GRIA1: variants seen among roughly 807,000 people sequenced by gnomAD.
GRIA1 encodes the protein glutamate receptor 1.
In GRIA1, 31 loss-of-function variants were observed where a neutral mutation model predicts 99.2. The ratio of observed to expected loss-of-function variants is 0.31; its 90% CI spans 0.23 to 0.42. GRIA1 has a LOEUF of 0.42. Ranked by LOEUF, GRIA1 falls within the 10% of genes least tolerant of loss-of-function variation. The pLI, the probability that GRIA1 is intolerant of heterozygous loss-of-function variation, is 1.00. For synonymous variants in GRIA1, 438 were observed against 432.4 expected (o/e 1.01, Z -0.16); for missense variants, 782 against 1,157.5 (o/e 0.68, Z 4.71).
chr5:153,534,895 C>T (rs974463617), intron 2 of GRIA1, among the ~76,000 whole-genome samples: 8 of 134,140 alleles, frequency 6.0e-5, no homozygotes, highest in African/African-American at 2.0e-4. Context: ...TAGAGAGGCA[C>T]AGGCCTTTTT....
intron 11 of GRIA1, among the ~76,000 whole-genome samples, chr5:153,711,190 T>C (rs575506227): frequency 6.6e-5 from 10 of 152,234 alleles, no homozygotes; most frequent in East Asian, 3.9e-4. Flanking sequence ...TGGAAGACCA[T>C]TGGAGGGTTT....
intron 2 of GRIA1, among the ~76,000 whole-genome samples, chr5:153,574,592 C>T (rs1198259665): frequency 1.3e-5 from 2 of 152,074 alleles, no homozygotes; most frequent in Non-Finnish European, 1.5e-5. Flanking sequence ...GTATTATGAC[C>T]TGATTTCTGA....
At chr5:153,808,574 A>G (rs925253020) in intron 15 of GRIA1, among the ~76,000 whole-genome samples, 2 of 152,140 alleles carry the variant, frequency 1.3e-5, no homozygotes, top group Non-Finnish European at 2.9e-5. Context: ...GGAGCTTTTA[A>G]AACTCCAGAT....
In GRIA1 at chr5:153,672,434, G is replaced by A. The variant is rs1756258437; in HGVS notation, c.700-2066G>A. Among the ~76,000 whole-genome samples the A allele has an allele frequency of 2.6e-5, 4 of 152,242 alleles. 1 individual carries two copies. The South Asian group carries it at 8.3e-4, about 32-fold the overall frequency. On this transcript the variant is annotated intron_variant, in intron 5 of 15. Transcript: ENST00000285900. ...ACTAGTTCTTTAGATAAGAAGTCAG[G>A]AAACACCTCTCTGAGAGATGGCAGT...
At chr5:153,576,338 CT>C (rs1762527733) in intron 2 of GRIA1, among the ~76,000 whole-genome samples, 1 of 152,120 alleles carries the variant, frequency 6.6e-6, no homozygotes, top group Non-Finnish European at 1.5e-5. Flanking sequence ...GCAGCTAAGC[CT>C]TGAAGAATAG....
At chr5:153,645,840 G>C (rs1469760223) in intron 2 of GRIA1, among the ~76,000 whole-genome samples, 6 of 152,178 alleles carry the variant, frequency 3.9e-5, no homozygotes, top group Non-Finnish European at 8.8e-5. Context: ...TCACAAGGAT[G>C]TGATGAGGAC....
chr5:153,663,849 G>C (rs1026824684), intron 5 of GRIA1, among the ~76,000 whole-genome samples: 1 of 152,170 alleles, frequency 6.6e-6, no homozygotes, highest in Admixed American at 6.5e-5. Context: ...TTAAGGAAGA[G>C]GCTGTTCTAT....
intron 15 of GRIA1, among the ~76,000 whole-genome samples, chr5:153,805,588 C>A (rs540301938): frequency 6.6e-6 from 1 of 152,304 alleles, no homozygotes; most frequent in African/African-American, 2.4e-5. Context: ...TCCTGGACAT[C>A]CAGCCCTTTC....
At chr5:153,587,532 C>A (rs1763597756) in intron 2 of GRIA1, among the ~76,000 whole-genome samples, 1 of 152,158 alleles carries the variant, frequency 6.6e-6, no homozygotes, top group South Asian at 2.1e-4. Flanking sequence ...GCTTGAGAAA[C>A]CACAGAGTCA....
chr5:153,592,699 T>A (rs1291497213), intron 2 of GRIA1, among the ~76,000 whole-genome samples: 3 of 152,220 alleles, frequency 2.0e-5, no homozygotes, highest in Non-Finnish European at 2.9e-5. Flanking sequence ...TTTGTATCTC[T>A]TGTATTGCCT....
intron 2 of GRIA1, among the ~76,000 whole-genome samples, chr5:153,591,351 G>A (rs1763957760): frequency 6.6e-6 from 1 of 152,168 alleles, no homozygotes; most frequent in African/African-American, 2.4e-5. Context: ...TGTTTGTGGA[G>A]CACTAATTTG....
intron 2 of GRIA1, among the ~76,000 whole-genome samples, chr5:153,512,442 C>T (rs1285981796): frequency 1.3e-5 from 2 of 152,156 alleles, no homozygotes; most frequent in Non-Finnish European, 2.9e-5. Flanking sequence ...TCTAAACAAA[C>T]ATATTTGGAA....
chr5:153,744,813 A>ATGAT (rs1039207990), intron 11 of GRIA1, among the ~76,000 whole-genome samples: 70 of 152,214 alleles, frequency 4.6e-4, no homozygotes, highest in African/African-American at 1.7e-3. Flanking sequence ...AAATCCTTTA[A>ATGAT]TGATTTAATA....
rs112598038 is a variant in GRIA1, at chr5:153,659,918, T to C, written c.699+4046T>C. 9.5e-3 allele frequency among the ~76,000 whole-genome samples: 1,454 copies of C among 152,316 alleles called. 18 individuals are homozygous for C. Among genetic ancestry groups the C allele is most frequent in the African/African-American group, 0.033 (1,360 of 41,572 alleles). The stretch of plus-strand genomic sequence containing the variant: ...CCTTCTAGAGGAGTAATAACAATAG[T>C]AATATCAACAATCTCTCTCATTTTT... On this transcript the variant is annotated intron_variant, in intron 5 of 15. Transcript: ENST00000285900.
intron 2 of GRIA1, among the ~76,000 whole-genome samples, chr5:153,642,889 T>C (rs1213919683): frequency 6.6e-6 from 1 of 152,178 alleles, no homozygotes; most frequent in Non-Finnish European, 1.5e-5. Context: ...GGGTAACTTA[T>C]TCACATAGCA....
chr5:153,725,411 T>A lies in GRIA1; in HGVS notation c.1823+19344T>A, dbSNP rs1314734575. Among the ~76,000 whole-genome samples, 50 of 147,280 alleles carry A rather than the reference T, an allele frequency of 3.4e-4. No individual in the cohort carries two copies. The East Asian group carries it at 0.01, about 30-fold the overall frequency. ...CACACATAAGAATATTAACTTTAAA[T>A]GTAAATGGACTAAATGCTCCAATTA... On this transcript the variant is annotated intron_variant, in intron 11 of 15. Coordinates refer to ENST00000285900, the MANE Select transcript of GRIA1 (RefSeq NM_000827.4).
chr5:153,795,716 C>T, intron 14 of GRIA1: 2 of 577,176 alleles, frequency 3.5e-6, no homozygotes, highest in East Asian at 3.0e-5. Flanking sequence ...GCCTTGATGT[C>T]CAAGAGTCCA....
In GRIA1 at chr5:153,574,038, T is replaced by C. The variant is rs191824586; in HGVS notation, c.221-72890T>C. 9.2e-5 allele frequency among the ~76,000 whole-genome samples: 14 copies of C among 152,136 alleles called. No individual in the cohort carries two copies. The East Asian group carries it at 2.7e-3, about 29-fold the overall frequency. On this transcript the variant is annotated intron_variant, in intron 2 of 15. Coordinates refer to ENST00000285900, the MANE Select transcript of GRIA1 (RefSeq NM_000827.4). Reference sequence around the variant, plus strand: ...CCAAGCTGCCTTAAAATAAAAACATTCAAGAACAAGTGATGTGCAGAGAGG... The same window carrying C: ...CCAAGCTGCCTTAAAATAAAAACATCCAAGAACAAGTGATGTGCAGAGAGG...
chr5:153,793,606 T>A (rs1765453112), intron 13 of GRIA1, among the ~76,000 whole-genome samples: 1 of 152,194 alleles, frequency 6.6e-6, no homozygotes, highest in South Asian at 2.1e-4. Context: ...CATGCACCAA[T>A]GGGCCCAGCA....
Sources: allele counts gnomAD v4.1 joint callset (sites outside exome capture counted in the v4.1 genomes callset), GRCh38; gene constraint gnomAD v4.1.1; transcripts MANE v1.5; gene names NCBI Gene and HGNC (gene_info 2026-07-23, HGNC 2026-07-21).